ZFPM2: variants seen among roughly 807,000 people sequenced by gnomAD.
The protein encoded by ZFPM2 is zinc finger protein ZFPM2.
A neutral mutation model predicts 98.6 loss-of-function variants in ZFPM2; 20 were observed. That is an observed-to-expected ratio of 0.20 (90% CI 0.14 to 0.29). ZFPM2 has a LOEUF of 0.29. Ranked by LOEUF, ZFPM2 falls within the 10% of genes least tolerant of loss-of-function variation. ZFPM2 has a pLI of 1.00. For missense variants in ZFPM2, 1,310 were observed against 1,388.6 expected, an observed-to-expected ratio of 0.94 and a Z score of 0.90; for synonymous variants, 518 against 502.7, an observed-to-expected ratio of 1.03 and a Z score of -0.41.
chr8:105,339,722 A>G (rs1812392437), intron 1 of ZFPM2, among the ~76,000 whole-genome samples: 1 of 151,892 alleles, frequency 6.6e-6, no homozygotes, highest in Admixed American at 6.6e-5. Flanking sequence ...AGTTTGACAA[A>G]CCTGCTGAGC....
chr8:105,657,335 C>A (rs1817305172), intron 5 of ZFPM2, among the ~76,000 whole-genome samples: 1 of 152,086 alleles, frequency 6.6e-6, no homozygotes, highest in African/African-American at 2.4e-5. Context: ...AACGGGGTTT[C>A]ACCATATTGA....
At chr8:105,728,637 TACA>T (rs976163732) in intron 5 of ZFPM2, among the ~76,000 whole-genome samples, 14 of 151,776 alleles carry the variant, frequency 9.2e-5, no homozygotes, top group African/African-American at 1.9e-4. Context: ...AAGGCATATC[TACA>T]ACAATTTCCA....
At chr8:105,559,963 T>C (rs1249996313) in intron 3 of ZFPM2, among the ~76,000 whole-genome samples, 1 of 151,992 alleles carries the variant, frequency 6.6e-6, no homozygotes, top group African/African-American at 2.4e-5. Flanking sequence ...ATTCCAGCAC[T>C]TTGGGAAGCC....
intron 3 of ZFPM2, among the ~76,000 whole-genome samples, chr8:105,487,242 C>T (rs1360970885): frequency 6.6e-6 from 1 of 152,032 alleles, no homozygotes; most frequent in East Asian, 1.9e-4. Context: ...CCTCCTTACT[C>T]GAGTAGCTGG....
At chr8:105,417,585 T>C (rs2130071279) in intron 1 of ZFPM2, among the ~76,000 whole-genome samples, 1 of 152,276 alleles carries the variant, frequency 6.6e-6, no homozygotes, top group Non-Finnish European at 1.5e-5. Context: ...AAATAAATGG[T>C]TTAAGGATTG....
At chr8:105,478,286 C>T (rs1326670481) in intron 3 of ZFPM2, among the ~76,000 whole-genome samples, 1 of 152,150 alleles carries the variant, frequency 6.6e-6, no homozygotes, top group African/African-American at 2.4e-5. Context: ...TGGGTTAAAA[C>T]TGATGTGAAG....
At chr8:105,544,418 A>G (rs1814648423) in intron 3 of ZFPM2, among the ~76,000 whole-genome samples, 1 of 152,076 alleles carries the variant, frequency 6.6e-6, no homozygotes, top group African/African-American at 2.4e-5. Context: ...GTGTTTGTAA[A>G]TTAATTTCTC....
rs1563667628 is a variant in ZFPM2, at chr8:105,456,157, TTTGTTTGTTTG to T, written c.301+11779_301+11789del. On this transcript the variant is annotated intron_variant, in intron 3 of 7. Transcript: ENST00000407775. ...AAAACCAGGAAAATGTTTTTTTTTG[TTTGTTTGTTTG>T]TTTTTTTTTTAAGAAGGAAGGGGCT... Among the ~76,000 whole-genome samples the T allele has an allele frequency of 3.7e-4, 15 of 40,862 alleles. 1 individual carries two copies. Among genetic ancestry groups the T allele is most frequent in the East Asian group, 2.7e-3 (2 of 754 alleles). 26.8% of individuals were successfully genotyped at this position (40,862 alleles called of 152,430 possible).
At chr8:105,547,890 C>CA (rs1344110025) in intron 3 of ZFPM2, among the ~76,000 whole-genome samples, 1 of 151,996 alleles carries the variant, frequency 6.6e-6, no homozygotes, top group Non-Finnish European at 1.5e-5. Flanking sequence ...TGCAGTTTTA[C>CA]AAATATCCTT....
chr8:105,655,216 A>G (rs1160052790), intron 5 of ZFPM2, among the ~76,000 whole-genome samples: 1 of 136,068 alleles, frequency 7.3e-6, no homozygotes, highest in South Asian at 2.3e-4. Flanking sequence ...ATTTTCTTGC[A>G]TTGAGTCTTT....
At chr8:105,450,113 G>T (rs1304148994) in intron 3 of ZFPM2, among the ~76,000 whole-genome samples, 1 of 152,158 alleles carries the variant, frequency 6.6e-6, no homozygotes. Context: ...CTAAAAATTG[G>T]TCAAGGTATC....
intron 1 of ZFPM2, among the ~76,000 whole-genome samples, chr8:105,402,561 A>G (rs1018239451): frequency 6.6e-5 from 10 of 151,972 alleles, no homozygotes; most frequent in African/African-American, 1.9e-4. Context: ...TTTCAGCCCC[A>G]CTTCCCTATT....
chr8:105,706,159 A>AACCAAGTTG (rs1188656745), intron 5 of ZFPM2, among the ~76,000 whole-genome samples: 9 of 152,138 alleles, frequency 5.9e-5, no homozygotes, highest in African/African-American at 2.2e-4. Flanking sequence ...AAAGAGCCAA[A>AACCAAGTTG]ACCAAGTTGC....
chr8:105,645,838 G>T (rs1216130825), intron 5 of ZFPM2, among the ~76,000 whole-genome samples: 1 of 152,058 alleles, frequency 6.6e-6, no homozygotes, highest in South Asian at 2.1e-4. Flanking sequence ...CGGATCATAA[G>T]GTCAAGAGAT....
At chr8:105,442,071 C>T (rs894429733) in intron 2 of ZFPM2, among the ~76,000 whole-genome samples, 2 of 151,900 alleles carry the variant, frequency 1.3e-5, no homozygotes, top group African/African-American at 4.8e-5. Context: ...CGGTGGCTCA[C>T]GCCTGTAATC....
chr8:105,520,656 G>A (rs1328477631), intron 3 of ZFPM2, among the ~76,000 whole-genome samples: 8 of 152,144 alleles, frequency 5.3e-5, no homozygotes, highest in South Asian at 2.1e-4. Context: ...AAGCATTGTC[G>A]TAGAGGAACA....
intron 5 of ZFPM2, among the ~76,000 whole-genome samples, chr8:105,713,056 T>C (rs1486754665): frequency 6.6e-6 from 1 of 152,104 alleles, no homozygotes; most frequent in South Asian, 2.1e-4. Flanking sequence ...TATCCAGTAA[T>C]AGGATTGCTG....
At chr8:105,479,431 G>C (rs1348421293) in intron 3 of ZFPM2, among the ~76,000 whole-genome samples, 1 of 152,058 alleles carries the variant, frequency 6.6e-6, no homozygotes, top group East Asian at 1.9e-4. Context: ...CTCCTTTCTG[G>C]CTTCTGATTC....
At chr8:105,398,965 T>G (rs1811279672) in intron 1 of ZFPM2, among the ~76,000 whole-genome samples, 1 of 152,064 alleles carries the variant, frequency 6.6e-6, no homozygotes, top group African/African-American at 2.4e-5. Context: ...ACCTGAAGGA[T>G]GAACTGAGTC....
Sources: allele counts gnomAD v4.1 joint callset (sites outside exome capture counted in the v4.1 genomes callset), GRCh38; gene constraint gnomAD v4.1.1; transcripts MANE v1.5; gene names NCBI Gene and HGNC (gene_info 2026-07-23, HGNC 2026-07-21).